The following FER variants were observed in gnomAD, a reference collection of about 807,000 sequenced individuals.
FER encodes FER tyrosine kinase, also known as tyrosine-protein kinase Fer.
In FER, 63 loss-of-function variants were observed where a neutral mutation model predicts 111.0. That is an observed-to-expected ratio of 0.57 (90% confidence interval 0.46 to 0.70). The LOEUF (loss-of-function observed/expected upper bound fraction) is 0.70. FER is among the 30% of genes least tolerant of loss of function. FER has a pLI of 0.00. For missense variants in FER, 914 were observed against 954.0 expected (o/e 0.96, Z 0.55); for synonymous variants, 327 against 313.9 (o/e 1.04, Z -0.44).
intron 13 of FER, among the ~76,000 whole-genome samples, chr5:108,989,209 C>T (rs1166863933): frequency 1.3e-5 from 2 of 151,838 alleles, no homozygotes; most frequent in South Asian, 4.1e-4. Flanking sequence ...GAGTGTTACT[C>T]GTCTTGTTTT....
intron 3 of FER, among the ~76,000 whole-genome samples, chr5:108,819,198 T>TA (rs11412773): frequency 6.7e-5 from 10 of 149,572 alleles, no homozygotes; most frequent in African/African-American, 2.5e-4. Context: ...TTTTTTTTTT[T>TA]AATTTTTAGA....
chr5:109,084,619 A>G (rs762269291), intron 16 of FER, among the ~76,000 whole-genome samples: 1 of 151,940 alleles, frequency 6.6e-6, no homozygotes. Context: ...ATGAAGTCCC[A>G]TTATCTTCCC....
rs1179678641 is a variant in FER, at chr5:108,871,435, G to C, written c.736G>C (p.Glu246Gln). The C allele has an allele frequency of 1.2e-6, 2 of 1,611,742 alleles. No homozygotes were observed. Among genetic ancestry groups the C allele is most frequent in the African/African-American group, 1.3e-5 (1 of 74,846 alleles). ...AGAGGAAATAGTGAATGTCCATAAA[G>C]AGATTCAAATGTCGGTTGAACAGAT... ...VTEEIVNVHK[E>Q]IQMSVEQIDP... The change falls in exon 7 of 20, where the codon GAG (glutamate) becomes CAG (glutamine). Residue 246 changes from glutamate (E) to glutamine (Q), a missense_variant. Glu to Gln is a conservative substitution (Grantham distance 29). Around this residue, in one of 3 missense-constraint regions of FER, gnomAD observed 774 missense variants for 782.6 expected, o/e 0.99. Transcript: ENST00000281092.
chr5:109,004,625 A>G (rs1259918121), intron 13 of FER, among the ~76,000 whole-genome samples: 14 of 152,200 alleles, frequency 9.2e-5, no homozygotes, highest in Admixed American at 7.9e-4. Context: ...CATGACCACA[A>G]ATTTACCATA....
chr5:108,804,857 A>G (rs941099025), intron 3 of FER, among the ~76,000 whole-genome samples: 1 of 151,798 alleles, frequency 6.6e-6, no homozygotes, highest in Admixed American at 6.6e-5. Context: ...GGCTTTTTAG[A>G]ATGAATTAGG....
chr5:109,123,179 G>A (rs570539434), intron 17 of FER, among the ~76,000 whole-genome samples: 28 of 129,774 alleles, frequency 2.2e-4, no homozygotes, highest in Admixed American at 4.0e-4. Context: ...TTTTTGAGAC[G>A]GAGTCTCACT....
At chr5:108,958,477 C>G (rs1758723600) in intron 12 of FER, among the ~76,000 whole-genome samples, 1 of 151,594 alleles carries the variant, frequency 6.6e-6, no homozygotes, top group African/African-American at 2.4e-5. Context: ...ATCAATTTAT[C>G]CATATGACAA....
chr5:108,838,268 G>T (rs1279793167), intron 5 of FER, among the ~76,000 whole-genome samples: 1 of 152,138 alleles, frequency 6.6e-6, no homozygotes, highest in African/African-American at 2.4e-5. Context: ...ACATGGGCCA[G>T]ATTAGGACAC....
chr5:108,979,595 A>T (rs1761789753), intron 13 of FER, among the ~76,000 whole-genome samples: 1 of 152,168 alleles, frequency 6.6e-6, no homozygotes, highest in African/African-American at 2.4e-5. Context: ...CCATTTGCTA[A>T]GTATATCATT....
chr5:108,835,925 A>G, intron 5 of FER, 118 bp downstream of exon 5: 2 of 533,438 alleles, frequency 3.7e-6, no homozygotes, highest in Non-Finnish European at 6.5e-6. Flanking sequence ...AAAAAACTCA[A>G]AATAAACCCA....
intron 9 of FER, among the ~76,000 whole-genome samples, chr5:108,887,282 T>G (rs1463437395): frequency 6.6e-6 from 1 of 151,702 alleles, no homozygotes; most frequent in East Asian, 1.9e-4. Flanking sequence ...AAAACCACAT[T>G]TTTATAATTT....
At chr5:108,913,448 G>A (rs1751837847) in intron 10 of FER, among the ~76,000 whole-genome samples, 1 of 152,188 alleles carries the variant, frequency 6.6e-6, no homozygotes, top group Non-Finnish European at 1.5e-5. Flanking sequence ...AGGAAAGGAT[G>A]CAGAGTGATA....
rs928754838 is a variant in FER at position 109,195,717 on chromosome 5, A to G, written c.*8142A>G. 3 of 152,228 alleles carry G rather than the reference A, an allele frequency of 2.0e-5. No homozygotes were observed. Among genetic ancestry groups the G allele is most frequent in the Non-Finnish European group, 4.4e-5 (3 of 68,040 alleles). The allele number at this position is 152,228 out of a possible 1,614,324, so 9.4% of individuals were successfully genotyped here. A position where few individuals can be genotyped will look rare whatever the true frequency, so the allele number is the denominator to read the frequency against. Reference sequence around the variant, plus strand: ...ATCCTGTGACATGATCAGACTGTCAATGTGGACCAGTGGCCAGGAGCATAT... The same window carrying G: ...ATCCTGTGACATGATCAGACTGTCAGTGTGGACCAGTGGCCAGGAGCATAT... On this transcript the variant is annotated 3_prime_UTR_variant, in exon 20 of 20. Transcript: ENST00000281092.
In FER at chr5:108,946,136, A is replaced by C. The variant is rs150263624; in HGVS notation, c.1243A>C (p.Lys415Gln). ...DARSVTSMER[K>Q]ERLSKFESIR... is the part of the protein sequence containing the mutation. Reference sequence around the variant, plus strand: ...TGTTTCTTAATCCCTCCAGGAAAGAAAGGAGAGGCTATCCAAATTTGAATC... The same window carrying C: ...TGTTTCTTAATCCCTCCAGGAAAGACAGGAGAGGCTATCCAAATTTGAATC... The change falls in exon 11 of 20, where the codon AAG becomes CAG. Residue 415 changes from lysine (K) to glutamine (Q), a missense_variant. Physicochemically the swap from Lys to Gln is moderately conservative, Grantham distance 53 (BLOSUM62 1). Around this residue, in one of 3 missense-constraint regions of FER, gnomAD observed 774 missense variants for 782.6 expected, o/e 0.99. Coordinates refer to ENST00000281092, the MANE Select transcript of FER (RefSeq NM_005246.4). 5.0e-6 allele frequency: 8 copies of C among 1,611,520 alleles called. No individual in the cohort carries two copies. The highest frequency in any genetic ancestry group is 6.8e-6 in the Non-Finnish European group (8 of 1,178,326).
At chr5:108,931,821 A>G (rs1754720990) in intron 10 of FER, among the ~76,000 whole-genome samples, 1 of 151,484 alleles carries the variant, frequency 6.6e-6, no homozygotes, top group Non-Finnish European at 1.5e-5. Context: ...CAAGAATGAA[A>G]CTCCATCTCG....
In FER at chr5:109,114,773, T is replaced by C. The variant is rs184810084; in HGVS notation, c.2048+14254T>C. On this transcript the variant is annotated intron_variant, in intron 17 of 19. Coordinates refer to ENST00000281092, the MANE Select transcript of FER (RefSeq NM_005246.4). ...TCCAAAATGAGAACAAAAGCATCCC[T>C]CTTCTCAGCATATCTATCTTTAATT... is the stretch of plus-strand genomic sequence containing the variant. Among the ~76,000 whole-genome samples the C allele has an allele frequency of 1.3e-3, 197 of 152,202 alleles. 1 individual carries two copies. Among genetic ancestry groups the C allele is most frequent in the African/African-American group, 4.7e-3 (194 of 41,552 alleles).
chr5:108,761,466 C>G (rs918268703), intron 1 of FER, among the ~76,000 whole-genome samples: 1 of 152,048 alleles, frequency 6.6e-6, no homozygotes, highest in Non-Finnish European at 1.5e-5. Context: ...CAGTTAAGTT[C>G]ACCGTTATAT....
intron 13 of FER, among the ~76,000 whole-genome samples, chr5:109,014,513 C>T (rs61324699): frequency 0.1 from 15,237 of 151,858 alleles, 2,031 homozygotes; most frequent in African/African-American, 0.31. Context: ...AGTCAGGTAG[C>T]GTGATGCCTC....
chr5:109,150,010 T>C (rs747256955), intron 17 of FER, among the ~76,000 whole-genome samples: 4 of 152,158 alleles, frequency 2.6e-5, no homozygotes, highest in Non-Finnish European at 5.9e-5. Context: ...GAGATCTAGG[T>C]TGCGCACTCC....
Sources: gnomAD v4.1 joint callset for allele counts (sites outside exome capture counted in the v4.1 genomes callset) on GRCh38, gnomAD v4.1.1 for gene constraint, gnomAD v4.1.1 regional missense constraint, MANE v1.5 for transcripts, NCBI Gene and HGNC (gene_info 2026-07-23, HGNC 2026-07-21) for gene names.